The following PTPRD variants were observed in gnomAD, a reference collection of about 807,000 sequenced individuals.
PTPRD encodes the protein protein tyrosine phosphatase receptor type D.
Under a neutral mutation model 214.5 loss-of-function variants are expected in PTPRD, and 34 were observed. The observed-to-expected ratio is 0.16, with a 90% CI of 0.12 to 0.21. The LOEUF is 0.21. Among genes scored for constraint, PTPRD ranks in the 10% least tolerant of loss-of-function variants. The pLI is 1.00. For synonymous variants in PTPRD, 1,128 were observed against 845.7 expected (o/e 1.33, Z -5.79); for missense variants, 2,545 against 2,398.7 (o/e 1.06, Z -1.27).
intron 5 of PTPRD, among the ~76,000 whole-genome samples, chr9:9,912,399 T>G (rs984852512): frequency 4.6e-5 from 7 of 152,156 alleles, no homozygotes; most frequent in Non-Finnish European, 7.4e-5. Context: ...ATGCCAACTT[T>G]GATTATGCTG....
At chr9:9,125,055 G>T (rs1207788548) in intron 10 of PTPRD, among the ~76,000 whole-genome samples, 1 of 151,966 alleles carries the variant, frequency 6.6e-6, no homozygotes, top group East Asian at 1.9e-4. Context: ...AGTATCATCT[G>T]TATGCTCCCT....
intron 8 of PTPRD, among the ~76,000 whole-genome samples, chr9:9,424,166 G>T (rs1048710455): frequency 1.2e-4 from 18 of 152,210 alleles, no homozygotes; most frequent in African/African-American, 3.9e-4. Context: ...CTCCAGAGCT[G>T]CCCGTGGAAT....
chr9:10,583,398 G>A (rs889315497), intron 2 of PTPRD, among the ~76,000 whole-genome samples: 2 of 151,614 alleles, frequency 1.3e-5, no homozygotes, highest in African/African-American at 4.8e-5. Flanking sequence ...TGAGACTAAT[G>A]ATTAAGCAAA....
intron 39 of PTPRD, among the ~76,000 whole-genome samples, chr9:8,365,138 T>TAA (rs111709042): frequency 6.7e-6 from 1 of 150,084 alleles, no homozygotes; most frequent in East Asian, 2.0e-4. Context: ...CTCTGAAATT[T>TAA]AAAAAAAAAA....
At chr9:9,781,024 A>C (rs377600917) in intron 5 of PTPRD, among the ~76,000 whole-genome samples, 3 of 152,170 alleles carry the variant, frequency 2.0e-5, no homozygotes, top group South Asian at 4.1e-4. Context: ...AGGGGTTGGC[A>C]GGGAGGGTGG....
In PTPRD at chr9:8,893,623, G is replaced by A. The variant is rs969792185; in HGVS notation, c.-104+125074C>T. The stretch of plus-strand genomic sequence containing the variant: ...CTACACCTGCTTTGAGAGCACTTTG[G>A]CACAATGTGGTAAAGATGCAATCAT... On this transcript the variant is annotated intron_variant, in intron 11 of 45. Transcript: ENST00000381196. 2.6e-5 allele frequency among the ~76,000 whole-genome samples: 4 copies of A among 152,308 alleles called. No homozygotes were observed. In the East Asian group the frequency reaches 7.7e-4, roughly 29 times the overall value.
intron 10 of PTPRD, among the ~76,000 whole-genome samples, chr9:9,019,309 A>AAGG (rs2099551624): frequency 3.7e-5 from 4 of 107,798 alleles, no homozygotes; most frequent in African/African-American, 1.5e-4. Flanking sequence ...AGAAAGAAAG[A>AAGG]AAGAAAGAAA....
At chr9:8,763,277 C>T (rs1227395820) in intron 11 of PTPRD, among the ~76,000 whole-genome samples, 1 of 151,754 alleles carries the variant, frequency 6.6e-6, no homozygotes, top group Non-Finnish European at 1.5e-5. Flanking sequence ...TTTGGGAGGC[C>T]GAGTTGGATG....
intron 5 of PTPRD, among the ~76,000 whole-genome samples, chr9:9,872,222 A>G (rs903960723): frequency 6.6e-6 from 1 of 152,134 alleles, no homozygotes; most frequent in Non-Finnish European, 1.5e-5. Flanking sequence ...TAGGCTCTGA[A>G]GGCAGCCAGC....
At chr9:9,662,550 GT>G (rs1205049514) in intron 7 of PTPRD, among the ~76,000 whole-genome samples, 2 of 151,586 alleles carry the variant, frequency 1.3e-5, no homozygotes, top group Admixed American at 6.6e-5. Flanking sequence ...AAGCAATAGA[GT>G]TTTTTCCTTC....
rs953731630 is a variant in PTPRD, at chr9:10,295,980, G to C, written c.-545+44983C>G. Among the ~76,000 whole-genome samples the C allele has an allele frequency of 2.6e-5, 4 of 151,958 alleles. No homozygotes were observed. In the South Asian group the frequency reaches 8.3e-4, roughly 32 times the overall value. ...AATAATCTTCATTTTCTCAGTGTAA[G>C]GTTCCTTACAGACAGTGATTCTAAA... On this transcript the variant is annotated intron_variant, in intron 3 of 45. Coordinates refer to ENST00000381196, the MANE Select transcript of PTPRD (RefSeq NM_002839.4).
intron 35 of PTPRD, among the ~76,000 whole-genome samples, chr9:8,430,440 T>TA (rs1192767346): frequency 6.6e-6 from 1 of 150,828 alleles, no homozygotes; most frequent in East Asian, 2.0e-4. Context: ...CAGGCTAATT[T>TA]TTTTTTTTTT....
chr9:9,980,503 G>C (rs887071456), intron 4 of PTPRD, among the ~76,000 whole-genome samples: 3 of 150,188 alleles, frequency 2.0e-5, no homozygotes, highest in African/African-American at 7.3e-5. Flanking sequence ...AGCTACTTCG[G>C]AGGCTGAGGT....
chr9:9,133,679 C>T (rs1032218122), intron 10 of PTPRD, among the ~76,000 whole-genome samples: 12 of 152,082 alleles, frequency 7.9e-5, no homozygotes, highest in African/African-American at 2.4e-4. Context: ...AAGCATTGTT[C>T]GGTTACTGAA....
At chr9:9,085,418 A>G (rs1041463318) in intron 10 of PTPRD, among the ~76,000 whole-genome samples, 2 of 152,182 alleles carry the variant, frequency 1.3e-5, no homozygotes, top group African/African-American at 2.4e-5. Flanking sequence ...CGAATAGTGC[A>G]TATGTAAGCT....
At chr9:8,703,746 C>A (rs1252178784) in intron 12 of PTPRD, among the ~76,000 whole-genome samples, 1 of 152,164 alleles carries the variant, frequency 6.6e-6, no homozygotes, top group East Asian at 1.9e-4. Flanking sequence ...CATTTATATG[C>A]TAGCGACTTC....
At chr9:9,454,258 A>G (rs1332810) in intron 8 of PTPRD, among the ~76,000 whole-genome samples, 24,999 of 151,550 alleles carry the variant, frequency 0.16, 2,279 homozygotes, top group Middle Eastern at 0.29. Flanking sequence ...TGTAGCTTTT[A>G]CCCATTTTCT....
chr9:8,345,290 C>T (rs1204729793), intron 39 of PTPRD, among the ~76,000 whole-genome samples: 3 of 152,018 alleles, frequency 2.0e-5, no homozygotes, highest in Non-Finnish European at 1.5e-5. Context: ...TGAAGTCCTA[C>T]AGTCATGCAC....
chr9:10,300,571 T>A (rs376129659), intron 3 of PTPRD, among the ~76,000 whole-genome samples: 1 of 152,116 alleles, frequency 6.6e-6, no homozygotes, highest in Admixed American at 6.6e-5. Flanking sequence ...CACTCAAGCT[T>A]GGTGAGGGAA....
Sources: allele counts gnomAD v4.1 joint callset (sites outside exome capture counted in the v4.1 genomes callset), GRCh38; gene constraint gnomAD v4.1.1; transcripts MANE v1.5; gene names NCBI Gene and HGNC (gene_info 2026-07-23, HGNC 2026-07-21).